The following CLIC4 variants were observed in gnomAD, a reference collection of about 807,000 sequenced individuals.
The protein encoded by CLIC4 is chloride intracellular channel protein 4.
In CLIC4, 13 loss-of-function variants were observed where a neutral mutation model predicts 24.6. That is an observed-to-expected ratio of 0.53 (90% CI 0.34 to 0.84). CLIC4 has a LOEUF of 0.84. CLIC4 is among the 40% of genes least tolerant of loss of function. The pLI is 0.01. For synonymous variants in CLIC4, 104 were observed against 111.3 expected (o/e 0.93, Z 0.41); for missense variants, 227 against 301.7 (o/e 0.75, Z 1.83).
chr1:24,819,826 G>A (rs1255535183), intron 3 of CLIC4, among the ~76,000 whole-genome samples: 4 of 143,650 alleles, frequency 2.8e-5, no homozygotes, highest in Admixed American at 7.0e-5. Flanking sequence ...TGCAACCTCC[G>A]CCTCCTGGGT....
At chr1:24,763,901 T>TC (rs1338934556) in intron 1 of CLIC4, among the ~76,000 whole-genome samples, 1 of 152,228 alleles carries the variant, frequency 6.6e-6, no homozygotes, top group Non-Finnish European at 1.5e-5. Flanking sequence ...TAAAGTAAGC[T>TC]CCAGGAGAGT....
rs540802499 is a variant in CLIC4, at chr1:24,816,088, C to T, written c.308+1869C>T. Among the ~76,000 whole-genome samples, 227 of 152,288 alleles carry T rather than the reference C, an allele frequency of 1.5e-3. 7 individuals carry two copies. In the South Asian group the frequency reaches 0.045, roughly 30 times the overall value. On this transcript the variant is annotated intron_variant, in intron 3 of 5. Coordinates refer to ENST00000374379, the MANE Select transcript of CLIC4 (RefSeq NM_013943.3). Reference sequence around the variant, plus strand: ...AGGCTCCAGTTCTAATTCTAGTTCTCTTGCTATTTTCAACACATATGTAGT... The same window carrying T: ...AGGCTCCAGTTCTAATTCTAGTTCTTTTGCTATTTTCAACACATATGTAGT...
At chr1:24,765,065 A>G (rs1239698598) in intron 1 of CLIC4, among the ~76,000 whole-genome samples, 1 of 152,210 alleles carries the variant, frequency 6.6e-6, no homozygotes, top group Non-Finnish European at 1.5e-5. Context: ...AGTTATTGTA[A>G]CTCACTGCCT....
At chr1:24,772,152 G>A (rs556998724) in intron 1 of CLIC4, among the ~76,000 whole-genome samples, 13 of 152,258 alleles carry the variant, frequency 8.5e-5, no homozygotes, top group African/African-American at 3.1e-4. Context: ...TGACCCGAAA[G>A]AATATATTTT....
chr1:24,808,574 G>T (rs937832049), intron 2 of CLIC4, among the ~76,000 whole-genome samples: 1 of 151,228 alleles, frequency 6.6e-6, no homozygotes, highest in Admixed American at 6.6e-5. Flanking sequence ...GGAGTACAGT[G>T]TGTGATCATG....
intron 3 of CLIC4, among the ~76,000 whole-genome samples, chr1:24,825,005 C>CACAG (rs1436034168): frequency 1.4e-4 from 20 of 145,488 alleles, no homozygotes; most frequent in African/African-American, 4.9e-4. Context: ...GTCACACACA[C>CACAG]ACACACACAC....
chr1:24,837,856 A>G (rs1639901127), intron 4 of CLIC4, among the ~76,000 whole-genome samples: 1 of 152,168 alleles, frequency 6.6e-6, no homozygotes, highest in African/African-American at 2.4e-5. Flanking sequence ...TTCTCCGCAG[A>G]CTATTCCTCC....
intron 1 of CLIC4, among the ~76,000 whole-genome samples, chr1:24,766,299 G>A (rs1161433084): frequency 2.0e-5 from 3 of 149,604 alleles, no homozygotes; most frequent in African/African-American, 7.4e-5. Flanking sequence ...CACCACGCCC[G>A]GCCTATATTT....
At chr1:24,756,521 A>C (rs1638851973) in intron 1 of CLIC4, among the ~76,000 whole-genome samples, 1 of 152,170 alleles carries the variant, frequency 6.6e-6, no homozygotes, top group Non-Finnish European at 1.5e-5. Context: ...CTTACATGTG[A>C]ATAACTCATT....
intron 1 of CLIC4, among the ~76,000 whole-genome samples, chr1:24,782,094 A>G (rs1639212275): frequency 6.6e-6 from 1 of 152,220 alleles, no homozygotes; most frequent in African/African-American, 2.4e-5. Flanking sequence ...TGGAAGGTGA[A>G]TCATCTCTCC....
chr1:24,840,658 TAGAAG>T, intron 5 of CLIC4, 110 bp from the exon 6 acceptor site: 1 of 855,588 alleles, frequency 1.2e-6, no homozygotes, highest in Non-Finnish European at 1.8e-6. Flanking sequence ...TTTTTTCATA[TAGAAG>T]CAGTTCTCAA....
intron 2 of CLIC4, among the ~76,000 whole-genome samples, chr1:24,800,411 C>CCTGGCCAGCTGCCCCGT (rs1238087851): frequency 5.7e-4 from 86 of 149,682 alleles, no homozygotes; most frequent in Non-Finnish European, 8.7e-4. Flanking sequence ...CAGCCCCCAG[C>CCTGGCCAGCTGCCCCGT]CTGGCCAGCT....
intron 2 of CLIC4, among the ~76,000 whole-genome samples, chr1:24,805,023 C>T (rs1571253231): frequency 2.2e-5 from 3 of 136,680 alleles, no homozygotes; most frequent in African/African-American, 8.5e-5. Flanking sequence ...TGCTTGAATC[C>T]GGGAGGTGGA....
intron 1 of CLIC4, among the ~76,000 whole-genome samples, chr1:24,775,190 C>T (rs1410903518): frequency 1.3e-5 from 2 of 148,768 alleles, no homozygotes; most frequent in East Asian, 3.9e-4. Context: ...TTCTAGCTAC[C>T]GTGAAGATTT....
chr1:24,760,545 C>T (rs1369017036), intron 1 of CLIC4, among the ~76,000 whole-genome samples: 1 of 152,100 alleles, frequency 6.6e-6, no homozygotes, highest in East Asian at 1.9e-4. Context: ...ACATGCTCTG[C>T]ACTTCTCTGC....
intron 2 of CLIC4, 145 bp from the exon 3 acceptor site, chr1:24,813,949 G>C: frequency 3.5e-6 from 3 of 859,676 alleles, no homozygotes; most frequent in South Asian, 3.0e-5. Context: ...AAACTCCTGG[G>C]CTAAGCAGTG....
rs1017499030 is a variant in CLIC4, at chr1:24,800,973, C to G, written c.182+3122C>G. The stretch of plus-strand genomic sequence containing the variant: ...CCTAGGAAAACCAGAGACCTTTGTT[C>G]ACTTGTTTATCTGCTGACCTTCCCT... On this transcript the variant is annotated intron_variant, in intron 2 of 5. Coordinates refer to ENST00000374379, the MANE Select transcript of CLIC4 (RefSeq NM_013943.3). Among the ~76,000 whole-genome samples the G allele has an allele frequency of 2.0e-5, 3 of 150,178 alleles. No homozygotes were observed. The South Asian group carries it at 6.4e-4, about 32-fold the overall frequency.
intron 4 of CLIC4, among the ~76,000 whole-genome samples, chr1:24,837,252 T>A (rs1251030380): frequency 1.3e-5 from 2 of 152,068 alleles, no homozygotes; most frequent in Non-Finnish European, 1.5e-5. Context: ...TTGCTACAGA[T>A]CTTACATTAA....
chr1:24,756,124 C>T (rs533890558), intron 1 of CLIC4, among the ~76,000 whole-genome samples: 7 of 151,560 alleles, frequency 4.6e-5, no homozygotes, highest in South Asian at 2.1e-4. Flanking sequence ...CTCAGCCTCC[C>T]GAGTAGCTGG....
Sources: allele counts gnomAD v4.1 joint callset (sites outside exome capture counted in the v4.1 genomes callset), GRCh38; gene constraint gnomAD v4.1.1; transcripts MANE v1.5; gene names NCBI Gene and HGNC (gene_info 2026-07-23, HGNC 2026-07-21).